CNTN6: variants seen among roughly 807,000 people sequenced by gnomAD.
CNTN6 encodes the protein contactin 6.
Under a neutral mutation model 122.8 loss-of-function variants are expected in CNTN6, and 137 were observed. That is an observed-to-expected ratio of 1.12 (90% CI 0.97 to 1.29). The LOEUF (loss-of-function observed/expected upper bound fraction) is 1.29, where lower values mean the gene tolerates loss of function less well. Among genes scored for constraint, CNTN6 ranks in the 50% most tolerant of loss-of-function variants. CNTN6 has a pLI of 0.00. For synonymous variants in CNTN6, 570 were observed against 426.0 expected (o/e 1.34, Z -4.16); for missense variants, 1,634 against 1,223.4 (o/e 1.34, Z -5.01).
intron 1 of CNTN6, among the ~76,000 whole-genome samples, chr3:1,128,888 C>G (rs538464013): frequency 6.6e-6 from 1 of 152,124 alleles, no homozygotes; most frequent in South Asian, 2.1e-4. Flanking sequence ...GAGTACTATT[C>G]AGTTCCATAA....
chr3:1,111,338 T>C (rs2091470804), intron 1 of CNTN6, among the ~76,000 whole-genome samples: 1 of 152,180 alleles, frequency 6.6e-6, no homozygotes, highest in South Asian at 2.1e-4. Context: ...TTTCAGGCAC[T>C]TTCTTTAGTA....
At chr3:1,399,742 G>A (rs893967966) in intron 20 of CNTN6, among the ~76,000 whole-genome samples, 5 of 152,188 alleles carry the variant, frequency 3.3e-5, no homozygotes, top group East Asian at 1.9e-4. Context: ...TTTATTCAAC[G>A]TGTATGAATT....
chr3:1,268,493 G>C (rs1452190717), intron 4 of CNTN6, among the ~76,000 whole-genome samples: 1 of 150,948 alleles, frequency 6.6e-6, no homozygotes, highest in Non-Finnish European at 1.5e-5. Context: ...TGTAGTCCCA[G>C]CTACTTGGGA....
chr3:1,372,260 A>G (rs1244703496), intron 12 of CNTN6, 39 bp from the exon 13 acceptor site: 10 of 1,497,252 alleles, frequency 6.7e-6, no homozygotes, highest in Non-Finnish European at 7.3e-6. Context: ...ATAGGCTAGC[A>G]TTTCATAAGC....
At chr3:1,300,504 AAAG>A (rs1697074187) in intron 7 of CNTN6, among the ~76,000 whole-genome samples, 1 of 135,416 alleles carries the variant, frequency 7.4e-6, no homozygotes, top group Non-Finnish European at 1.5e-5. Context: ...AAAAGAAAAG[AAAG>A]AGAAAGAAAG....
At position 1,316,294 on chromosome 3, in the gene CNTN6, G is replaced by C. The variant is rs562985066; in HGVS notation, c.762-5356G>C. Among the ~76,000 whole-genome samples the C allele has an allele frequency of 3.9e-5, 6 of 152,008 alleles. No homozygotes were observed. In the South Asian group the frequency reaches 1.2e-3, roughly 31 times the overall value. ...TAATTGGCTCACAGTTCTGCAGGCT[G>C]TACAGGAAGCATAACAGCTTCTGCT... On this transcript the variant is annotated intron_variant, in intron 7 of 22. Coordinates refer to ENST00000446702, the MANE Select transcript of CNTN6 (RefSeq NM_001289080.2).
intron 2 of CNTN6, among the ~76,000 whole-genome samples, chr3:1,151,664 G>A (rs1430123386): frequency 2.0e-5 from 3 of 152,126 alleles, no homozygotes; most frequent in African/African-American, 7.2e-5. Flanking sequence ...TTCAACAATA[G>A]GTCCATAGTC....
intron 21 of CNTN6, among the ~76,000 whole-genome samples, chr3:1,401,814 G>T (rs1232588484): frequency 6.6e-6 from 1 of 151,934 alleles, no homozygotes; most frequent in Non-Finnish European, 1.5e-5. Flanking sequence ...ATCATAAGAT[G>T]ATGGCTTATG....
At chr3:1,371,910 A>C (rs1206040392) in intron 12 of CNTN6, among the ~76,000 whole-genome samples, 1 of 152,140 alleles carries the variant, frequency 6.6e-6, no homozygotes, top group Non-Finnish European at 1.5e-5. Context: ...GGTTTGTCTC[A>C]TGGTATATGA....
intron 1 of CNTN6, among the ~76,000 whole-genome samples, chr3:1,126,178 C>T (rs925714403): frequency 6.6e-6 from 1 of 151,740 alleles, no homozygotes; most frequent in African/African-American, 2.4e-5. Flanking sequence ...GCTTATTTTC[C>T]TTGAAGGCTT....
At chr3:1,194,201 AAGAATGTTTAAAGGGAGAAATCTT>A (rs1447043834) in intron 2 of CNTN6, among the ~76,000 whole-genome samples, 3 of 152,176 alleles carry the variant, frequency 2.0e-5, no homozygotes, top group Admixed American at 2.0e-4. Context: ...GCGCTGCCCC[AAGAATGTTTAAAGGGAGAAATCTT>A]TTAAAATAAA....
chr3:1,275,708 G>A lies in CNTN6; in HGVS notation c.359-2705G>A, dbSNP rs142957940. 2.3e-4 allele frequency among the ~76,000 whole-genome samples: 35 copies of A among 152,234 alleles called. 1 individual carries two copies. Among genetic ancestry groups the A allele is most frequent in the Non-Finnish European group, 4.6e-4 (31 of 68,020 alleles). ...ACAGTGACAGATCATCAGGCATTAG[G>A]TTATCACAAGGAGTGTGCAACTTGG... On this transcript the variant is annotated intron_variant, in intron 4 of 22. Transcript: ENST00000446702.
chr3:1,152,171 C>G (rs72999811), intron 2 of CNTN6, among the ~76,000 whole-genome samples: 19,391 of 151,996 alleles, frequency 0.13, 1,675 homozygotes, highest in East Asian at 0.31. Flanking sequence ...TGGCGTCTCC[C>G]TGTGTTGCCC....
chr3:1,262,678 A>G (rs116200075), intron 4 of CNTN6, among the ~76,000 whole-genome samples: 48 of 152,266 alleles, frequency 3.2e-4, no homozygotes, highest in African/African-American at 1.1e-3. Context: ...TGTGCTAAAG[A>G]CTATAGGTCA....
At chr3:1,324,741 T>C (rs965207581) in intron 8 of CNTN6, among the ~76,000 whole-genome samples, 7 of 149,648 alleles carry the variant, frequency 4.7e-5, no homozygotes, top group Admixed American at 4.6e-4. Flanking sequence ...TTTTTCCTGA[T>C]GCTTTTCCCT....
At chr3:1,370,921 A>C (rs1292230618) in intron 12 of CNTN6, among the ~76,000 whole-genome samples, 2 of 152,120 alleles carry the variant, frequency 1.3e-5, no homozygotes, top group Non-Finnish European at 2.9e-5. Context: ...TAAATAATAA[A>C]AAATGAAGAC....
At chr3:1,259,874 T>TA (rs369787074) in intron 4 of CNTN6, among the ~76,000 whole-genome samples, 2 of 152,240 alleles carry the variant, frequency 1.3e-5, no homozygotes, top group African/African-American at 2.4e-5. Context: ...CACACATACA[T>TA]ACAAACACAC....
chr3:1,163,093 G>A (rs2093171484), intron 2 of CNTN6, among the ~76,000 whole-genome samples: 1 of 152,180 alleles, frequency 6.6e-6, no homozygotes, highest in Non-Finnish European at 1.5e-5. Flanking sequence ...ATTCTAAGAT[G>A]AGAAGCGTTA....
rs538393037 is a variant in CNTN6 at position 1,200,721 on chromosome 3, G to T, written c.56-19966G>T. 8.5e-5 allele frequency among the ~76,000 whole-genome samples: 13 copies of T among 152,156 alleles called. No individual in the cohort carries two copies. In the South Asian group the frequency reaches 1.9e-3, roughly 22 times the overall value. On this transcript the variant is annotated intron_variant, in intron 2 of 22. Transcript: ENST00000446702. ...TTAAGTAAAATTTATGTCTCCCAAA[G>T]CCCTCAGGATTAGTTCCTCATTCTT...
Sources: gnomAD v4.1 joint callset for allele counts (sites outside exome capture counted in the v4.1 genomes callset) on GRCh38, gnomAD v4.1.1 for gene constraint, MANE v1.5 for transcripts, NCBI Gene and HGNC (gene_info 2026-07-23, HGNC 2026-07-21) for gene names.